The following SMARCE1 variants were observed in gnomAD, a reference collection of about 807,000 sequenced individuals.
SMARCE1 encodes SWI/SNF-related matrix-associated actin-dependent regulator of chromatin subfamily E member 1.
SMARCE1 carries 13 observed loss-of-function variants against 54.9 expected under a neutral mutation model. The observed-to-expected ratio is 0.24, with a 90% CI of 0.15 to 0.38. SMARCE1 has a LOEUF of 0.38. SMARCE1 is among the 10% of genes least tolerant of loss of function. SMARCE1 has a pLI of 1.00. For missense variants in SMARCE1, 295 were observed against 523.8 expected (o/e 0.56, Z 4.26); for synonymous variants, 151 against 175.3 (o/e 0.86, Z 1.10).
Position 40,630,713 on chromosome 17 carries a change from C to T in SMARCE1, c.1027+1G>A, listed in dbSNP as rs112300146. The T allele has an allele frequency of 6.2e-7, 1 of 1,613,346 alleles. No individual in the cohort carries two copies. Among genetic ancestry groups the T allele is most frequent in the Non-Finnish European group, 8.5e-7 (1 of 1,179,334 alleles). The stretch of plus-strand genomic sequence containing the variant: ...CTCTGCGTTTGTTGCTAGTGGGTTA[C>T]CTGTCTCCATCGGAATGTTCTCGTC... On this transcript the variant is annotated splice_donor_variant, in intron 10 of 10. Transcript: ENST00000348513. LOFTEE classifies it high-confidence loss of function.
chr17:40,637,712 C>A (rs2037159847), intron 4 of SMARCE1, 140 bp from the exon 5 acceptor site: 6 of 640,538 alleles, frequency 9.4e-6, no homozygotes, highest in South Asian at 1.9e-5. Flanking sequence ...GCTATCACTG[C>A]AAATTCAGAA....
chr17:40,643,343 C>G (rs1459021052), intron 3 of SMARCE1: 1 of 152,192 alleles, frequency 6.6e-6, no homozygotes, highest in African/African-American at 2.4e-5. Flanking sequence ...TCAATGTGAA[C>G]TACTTTTCTA....
rs1478738793 is a variant in SMARCE1 at position 40,635,923 on chromosome 17, T to C, written c.541+8A>G. 7.1e-6 allele frequency: 11 copies of C among 1,548,438 alleles called. No homozygotes were observed. The highest frequency in any genetic ancestry group is 9.6e-6 in the Non-Finnish European group (11 of 1,149,418). ...AGCATAAACAAAACCCCACTTTTTT[T>C]CTTTTACCATCTGGATCTTCAGCAG... On this transcript the variant is annotated splice_region_variant and intron_variant, in intron 7 of 10. Coordinates refer to ENST00000348513, the MANE Select transcript of SMARCE1 (RefSeq NM_003079.5).
Position 40,642,864 on chromosome 17 carries a change from A to G in SMARCE1, c.52-305T>C, listed in dbSNP as rs969356746. On this transcript the variant is annotated intron_variant, in intron 3 of 10. Transcript: ENST00000348513. The surrounding 1 kb of genome is among the most constrained non-coding windows in gnomAD (Gnocchi z 4.6). ...AGCAACACACTGAAGTGTTTAAAAC[A>G]TTCAGGATTACTTTATGGTCAACAA... is the stretch of plus-strand genomic sequence containing the variant. 10 of 299,088 alleles carry G rather than the reference A, an allele frequency of 3.3e-5. No homozygotes were observed. Among genetic ancestry groups the G allele is most frequent in the Middle Eastern group, 8.9e-4 (1 of 1,118 alleles). 18.5% of individuals were successfully genotyped at this position (299,088 alleles called of 1,614,324 possible). A position where few individuals can be genotyped will look rare whatever the true frequency, so the allele number is the denominator to read the frequency against.
rs2037059340 is a variant in SMARCE1 at position 40,628,765 on chromosome 17, C to T, written c.*20G>A. ...TTTTCATTAAAAAAAGTATTTAGAA[C>T]ACACAAAACAAGGCAACACTTATTC... On this transcript the variant is annotated 3_prime_UTR_variant, in exon 11 of 11. Transcript: ENST00000348513. 5 of 1,585,172 alleles carry T rather than the reference C, an allele frequency of 3.2e-6. No individual in the cohort carries two copies. The highest frequency in any genetic ancestry group is 4.3e-6 in the Non-Finnish European group (5 of 1,154,884).
intron 4 of SMARCE1, chr17:40,639,954 T>G (rs1011049383): frequency 6.6e-6 from 1 of 152,224 alleles, no homozygotes; most frequent in Non-Finnish European, 1.5e-5. Flanking sequence ...GAACTGTTTC[T>G]TTCCTTGCTA....
At chr17:40,629,233 C>T (rs375254428) in intron 10 of SMARCE1, 40 of 510,434 alleles carry the variant, frequency 7.8e-5, no homozygotes, top group Admixed American at 5.6e-4. Flanking sequence ...CAAATACTTC[C>T]GATGAAAATT....
Position 40,635,995 on chromosome 17 carries a change from C to T in SMARCE1, c.477G>A (p.Gln159=), listed in dbSNP as rs1597746072. 6.2e-7 allele frequency: 1 copy of T among 1,613,720 alleles called. No individual in the cohort carries two copies. Among genetic ancestry groups the T allele is most frequent in the Admixed American group, 1.7e-5 (1 of 59,966 alleles). The change falls in exon 7 of 11, where the codon CAG becomes CAA. Residue 159 remains glutamine (Q), a synonymous_variant. Transcript: ENST00000348513. ...CTCCTTTCTCCATGCGAGATTGTCT[C>T]TGTCGACTTTCTTCCTCTAAAGCAG... The part of the protein sequence containing the change: ...AEAALEEESR[Q]RQSRMEKGEP...
chr17:40,643,854 A>G (rs1317054028), intron 3 of SMARCE1: 1 of 152,310 alleles, frequency 6.6e-6, no homozygotes, highest in African/African-American at 2.4e-5. Flanking sequence ...CAGTTAGAAA[A>G]GACGCAAATA....
In SMARCE1 at chr17:40,637,981, A is replaced by G. The variant is rs76502198; in HGVS notation, c.157-409T>C. The stretch of plus-strand genomic sequence containing the variant: ...AGGATCTGAACCCTTAACACTTACC[A>G]TTCTCACACTGTCTACAGGGGCCTT... On this transcript the variant is annotated intron_variant, in intron 4 of 10. Coordinates refer to ENST00000348513, the MANE Select transcript of SMARCE1 (RefSeq NM_003079.5). Among the ~76,000 whole-genome samples, 939 of 152,254 alleles carry G rather than the reference A, an allele frequency of 6.2e-3. 10 individuals are homozygous for G. The highest frequency in any genetic ancestry group is 0.022 in the African/African-American group (909 of 41,536).
intron 8 of SMARCE1, 157 bp from the exon 9 acceptor site, chr17:40,631,850 T>C (rs1597743259): frequency 1.7e-6 from 1 of 581,912 alleles, no homozygotes; most frequent in East Asian, 2.8e-5. Context: ...GAAATGATTA[T>C]GATCAATAGG....
intron 10 of SMARCE1, chr17:40,629,672 A>G (rs147846820): frequency 1.7e-4 from 71 of 424,530 alleles, no homozygotes; most frequent in Admixed American, 1.4e-3. Flanking sequence ...AGACCTGCAA[A>G]CCTTAAGCAT....
In SMARCE1 at chr17:40,647,788, G is replaced by T. The variant is rs1002753302; in HGVS notation, c.-61C>A. The T allele has an allele frequency of 1.3e-5, 2 of 153,730 alleles. No homozygotes were observed. Among genetic ancestry groups the T allele is most frequent in the African/African-American group, 4.8e-5 (2 of 41,408 alleles). The allele number at this position is 153,730 out of a possible 1,614,324, so 9.5% of individuals were successfully genotyped here. The stretch of plus-strand genomic sequence containing the variant: ...AAACACTCACCCGCGGGCAGAAAAA[G>T]CGCCCGCAGCTCCGGCTTCGCTTCC... On this transcript the variant is annotated 5_prime_UTR_variant, in exon 1 of 11. Coordinates refer to ENST00000348513, the MANE Select transcript of SMARCE1 (RefSeq NM_003079.5).
At chr17:40,641,276 G>A (rs536095635) in intron 4 of SMARCE1, 112 of 152,288 alleles carry the variant, frequency 7.4e-4, no homozygotes, top group African/African-American at 2.6e-3. Context: ...AAAATTGTAT[G>A]CATTGTGAAA....
At chr17:40,631,001 G>A in intron 9 of SMARCE1, 77 bp from the exon 10 acceptor site, 1 of 1,199,586 alleles carries the variant, frequency 8.3e-7, no homozygotes, top group Non-Finnish European at 1.2e-6. Flanking sequence ...TCAAAAGTTG[G>A]TTTTCTTGCC....
chr17:40,632,097 A>G lies in SMARCE1; in HGVS notation c.714+98T>C, dbSNP rs553961033. ...CAAATCAGGAACAGGTTAGATTGAC[A>G]TATTTAACAGGTAGATTTAGGCATG... On this transcript the variant is annotated intron_variant, in intron 8 of 10. Coordinates refer to ENST00000348513, the MANE Select transcript of SMARCE1 (RefSeq NM_003079.5). 69 of 939,504 alleles carry G rather than the reference A, an allele frequency of 7.3e-5. No homozygotes were observed. The African/African-American group carries it at 1.1e-3, about 15-fold the overall frequency. 58.2% of individuals were successfully genotyped at this position (939,504 alleles called of 1,614,324 possible). A position where few individuals can be genotyped will look rare whatever the true frequency, so the allele number is the denominator to read the frequency against.
Position 40,642,248 on chromosome 17 carries a change from T to C in SMARCE1, c.156+207A>G. The C allele has an allele frequency of 1.6e-6, 1 of 625,924 alleles. No individual in the cohort carries two copies. Among genetic ancestry groups the C allele is most frequent in the Non-Finnish European group, 2.8e-6 (1 of 354,332 alleles). The allele number at this position is 625,924 out of a possible 1,614,324, so 38.8% of individuals were successfully genotyped here. A position where few individuals can be genotyped will look rare whatever the true frequency, so the allele number is the denominator to read the frequency against. On this transcript the variant is annotated intron_variant, in intron 4 of 10. Coordinates refer to ENST00000348513, the MANE Select transcript of SMARCE1 (RefSeq NM_003079.5). This position sits in a 1 kb window ranked among gnomAD's most constrained non-coding sequence, Gnocchi z 4.6. ...CCTACCAACCACCAAACAGAATGGA[T>C]TTTTCTTTTCTTCTATATACATTCC...
intron 10 of SMARCE1, chr17:40,629,543 T>C (rs777004779): frequency 8.2e-7 from 1 of 1,224,292 alleles, no homozygotes; most frequent in Non-Finnish European, 1.0e-6. Flanking sequence ...TTAGACACTT[T>C]GTTTAAAGTC....
intron 3 of SMARCE1, chr17:40,645,204 G>A (rs1364290137): frequency 3.0e-6 from 1 of 336,558 alleles, no homozygotes; most frequent in East Asian, 4.5e-5. Flanking sequence ...AACATAACCA[G>A]TTGAAGGTTA....
Sources: allele counts gnomAD v4.1 joint callset (sites outside exome capture counted in the v4.1 genomes callset), GRCh38; gene constraint gnomAD v4.1.1; non-coding constraint Gnocchi (gnomAD v3.1); transcripts MANE v1.5; gene names NCBI Gene and HGNC (gene_info 2026-07-23, HGNC 2026-07-21).